The following ITFG2 variants were observed in gnomAD, a reference collection of about 807,000 sequenced individuals.
ITFG2 encodes the protein integrin alpha FG-GAP repeat containing 2.
Under a neutral mutation model 54.4 loss-of-function variants are expected in ITFG2, and 36 were observed. The observed-to-expected ratio is 0.66, with a 90% confidence interval of 0.51 to 0.87. The LOEUF is 0.87. ITFG2 is among the 40% of genes least tolerant of loss of function. The pLI is 0.00. For synonymous variants in ITFG2, 211 were observed against 225.4 expected, an observed-to-expected ratio of 0.94 and a Z score of 0.57; for missense variants, 524 against 576.7, an observed-to-expected ratio of 0.91 and a Z score of 0.94.
chr12:2,855,318 C>T (rs1220901939), intron 2 of ITFG2: 4 of 1,531,312 alleles, frequency 2.6e-6, no homozygotes, highest in Non-Finnish European at 3.5e-6. Context: ...TGCAGGGCGG[C>T]AGCTTCAGAG....
chr12:2,820,340 C>A, intron 5 of ITFG2, 115 bp downstream of exon 5: 1 of 1,291,390 alleles, frequency 7.7e-7, no homozygotes, highest in Non-Finnish European at 1.0e-6. Context: ...AGTGAAAAGT[C>A]ACCTTGTCAA....
chr12:2,827,674 G>C (rs1565425250), downstream of ITFG2: 2 of 1,614,006 alleles, frequency 1.2e-6, no homozygotes, highest in African/African-American at 2.7e-5. The surrounding 1 kb of genome is among the most constrained non-coding windows in gnomAD (Gnocchi z 4.0). Flanking sequence ...AGGACTCTCA[G>C]CATCTATAGG....
chr12:2,827,745 C>T (rs767407740), downstream of ITFG2: 2 of 1,611,430 alleles, frequency 1.2e-6, no homozygotes, highest in Non-Finnish European at 1.7e-6. The surrounding 1 kb of genome is among the most constrained non-coding windows in gnomAD (Gnocchi z 4.0). Context: ...CTCCTCTTAG[C>T]CGTTGCTCCT....
intron 2 of ITFG2, among the ~76,000 whole-genome samples, chr12:2,843,389 T>C (rs1231080809): frequency 6.6e-6 from 1 of 152,200 alleles, no homozygotes; most frequent in African/African-American, 2.4e-5. Flanking sequence ...CATTTTATAT[T>C]TCTGACGCTA....
intron 2 of ITFG2, chr12:2,855,249 C>T (rs1468985007): frequency 6.6e-7 from 1 of 1,508,304 alleles, no homozygotes; most frequent in Non-Finnish European, 8.9e-7. Flanking sequence ...CCCAGGTGTG[C>T]TGGGCGCCAC....
chr12:2,853,652 C>T (rs2098078432), intron 2 of ITFG2, among the ~76,000 whole-genome samples: 1 of 151,614 alleles, frequency 6.6e-6, no homozygotes, highest in African/African-American at 2.4e-5. Flanking sequence ...GCCACTCCAA[C>T]TCCCCAGTGC....
In ITFG2 at chr12:2,822,928, T is replaced by C. The variant is rs771595401; in HGVS notation, c.1066+17T>C. ...TCTGTGCAGGTGACCCCCGCCCCCA[T>C]GGCCCCTTTCTAACCACACTTAAGT... On this transcript the variant is annotated intron_variant, in intron 10 of 11. Coordinates refer to ENST00000228799, the MANE Select transcript of ITFG2 (RefSeq NM_018463.4). The C allele has an allele frequency of 1.3e-6, 2 of 1,595,676 alleles. No homozygotes were observed. Among genetic ancestry groups the C allele is most frequent in the Admixed American group, 3.3e-5 (2 of 59,988 alleles).
upstream of ITFG2, among the ~76,000 whole-genome samples, chr12:2,834,145 C>T (rs969865942): frequency 6.6e-6 from 1 of 152,198 alleles, no homozygotes; most frequent in Non-Finnish European, 1.5e-5. Flanking sequence ...CAGGGGCCCC[C>T]GGCAAGAGCC....
chr12:2,821,897 T>A, intron 9 of ITFG2, 105 bp downstream of exon 9: 2 of 812,036 alleles, frequency 2.5e-6, no homozygotes, highest in Non-Finnish European at 4.0e-6. Context: ...ACTCCCAACC[T>A]TTATCTTTAG....
rs757032699 is a variant in ITFG2 at position 2,819,212 on chromosome 12, C to A, written c.407-874C>A. On this transcript the variant is annotated intron_variant, in intron 4 of 11. Transcript: ENST00000228799. Reference sequence around the variant, plus strand: ...GGGCACGGTGGCTCACGCCTGTAATCCCAACACTTTGGGAAGCCGAGGAGG... The same window carrying A: ...GGGCACGGTGGCTCACGCCTGTAATACCAACACTTTGGGAAGCCGAGGAGG... Among the ~76,000 whole-genome samples, 4 of 152,006 alleles carry A rather than the reference C, an allele frequency of 2.6e-5. No homozygotes were observed. The South Asian group carries it at 8.3e-4, about 32-fold the overall frequency.
At chr12:2,859,704 G>C in exon 4 of ITFG2, 1 of 1,452,158 alleles carries the variant, frequency 6.9e-7, no homozygotes, top group Non-Finnish European at 9.3e-7. Flanking sequence ...ACGGTCACCA[G>C]ACAGGACGCA....
Position 2,817,932 on chromosome 12 carries a change from C to T in ITFG2, c.216C>T (p.Asp72=), listed in dbSNP as rs748482223. 20 of 1,613,744 alleles carry T rather than the reference C, an allele frequency of 1.2e-5. No individual in the cohort carries two copies. The highest frequency in any genetic ancestry group is 3.3e-5 in the South Asian group (3 of 91,058). ...AGCTGACTTGCGTTGGGGTTGGAGACGTGTGTAATAAAGGAAAGGTAAGAA... is the reference window on the plus strand; with the variant it reads ...AGCTGACTTGCGTTGGGGTTGGAGATGTGTGTAATAAAGGAAAGGTAAGAA... ...QGMLTCVGVG[D]VCNKGKNLLV... Residue 72 remains aspartate, a synonymous_variant, in exon 3 of 12, where the codon GAC becomes GAT. Transcript: ENST00000228799.
At chr12:2,820,659 C>G in intron 5 of ITFG2, 65 bp from the exon 6 acceptor site, 4 of 1,213,730 alleles carry the variant, frequency 3.3e-6, no homozygotes, top group Non-Finnish European at 4.7e-6. Flanking sequence ...CCGCCCCCTG[C>G]CGTTCTCTGC....
intron 1 of ITFG2, among the ~76,000 whole-genome samples, chr12:2,815,521 C>T (rs2097919405): frequency 6.6e-6 from 1 of 152,266 alleles, no homozygotes; most frequent in Admixed American, 6.5e-5. Flanking sequence ...GTGGTTCCCA[C>T]ATACACCTCA....
chr12:2,837,442 C>T (rs1180976346), intron 1 of ITFG2, among the ~76,000 whole-genome samples: 2 of 151,850 alleles, frequency 1.3e-5, no homozygotes, highest in African/African-American at 4.8e-5. Flanking sequence ...CACGCCACTG[C>T]ACTCCAGCCT....
At chr12:2,812,989 A>G in intron 1 of ITFG2, 133 bp downstream of exon 1, 1 of 692,968 alleles carries the variant, frequency 1.4e-6, no homozygotes, top group Non-Finnish European at 2.5e-6. Flanking sequence ...CGCTAGAGAG[A>G]AAAACTTTAT....
chr12:2,840,411 AC>A (rs2098038280), intron 1 of ITFG2, among the ~76,000 whole-genome samples: 1 of 150,694 alleles, frequency 6.6e-6, no homozygotes. Flanking sequence ...AGCCGAGATC[AC>A]GTCACTGCAC....
At chr12:2,817,546 G>A (rs2097925552) in intron 2 of ITFG2, 2 of 563,954 alleles carry the variant, frequency 3.5e-6, no homozygotes, top group East Asian at 5.7e-5. Flanking sequence ...GTGTCGTGGA[G>A]TACTCCTTGA....
At chr12:2,815,769 GCCTC>G (rs1468675694) in intron 1 of ITFG2, among the ~76,000 whole-genome samples, 1 of 152,210 alleles carries the variant, frequency 6.6e-6, no homozygotes, top group African/African-American at 2.4e-5. Flanking sequence ...ATTGTGTGTA[GCCTC>G]AATTCCTGTA....
Sources: allele counts gnomAD v4.1 joint callset (sites outside exome capture counted in the v4.1 genomes callset), GRCh38; gene constraint gnomAD v4.1.1; non-coding constraint Gnocchi (gnomAD v3.1); transcripts MANE v1.5; gene names NCBI Gene and HGNC (gene_info 2026-07-23, HGNC 2026-07-21).